Variants in GRID2 observed in about 807,000 individuals in gnomAD.
The protein encoded by GRID2 is glutamate receptor ionotropic, delta-2.
A neutral mutation model predicts 114.8 loss-of-function variants in GRID2; 33 were observed. The observed-to-expected ratio is 0.29, with a 90% confidence interval of 0.22 to 0.38. The LOEUF (loss-of-function observed/expected upper bound fraction) is 0.38, where lower values mean the gene tolerates loss of function less well. Among genes scored for constraint, GRID2 ranks in the 10% least tolerant of loss-of-function variants. The pLI is 1.00. For synonymous variants in GRID2, 505 were observed against 449.9 expected (o/e 1.12, Z -1.55); for missense variants, 1,184 against 1,257.7 (o/e 0.94, Z 0.89).
At chr4:92,675,143 GT>G (rs1179562644) in intron 2 of GRID2, among the ~76,000 whole-genome samples, 2 of 152,072 alleles carry the variant, frequency 1.3e-5, no homozygotes, top group Non-Finnish European at 2.9e-5. Flanking sequence ...CTTTTACTTT[GT>G]TAGAGCACTA....
In GRID2 at chr4:92,393,338, T is replaced by C. The variant is rs1321552064; in HGVS notation, c.88+88594T>C. ...ATTATCTTTCCATCTCCTTTACATA[T>C]AGATACTCTATAGAATGATGCAGTG... On this transcript the variant is annotated intron_variant, in intron 1 of 15. Transcript: ENST00000282020. Among the ~76,000 whole-genome samples the C allele has an allele frequency of 5.3e-5, 8 of 152,194 alleles. No individual in the cohort carries two copies. In the East Asian group the frequency reaches 1.3e-3, roughly 26 times the overall value.
intron 4 of GRID2, among the ~76,000 whole-genome samples, chr4:93,180,755 A>G (rs545743064): frequency 2.0e-5 from 3 of 152,294 alleles, no homozygotes; most frequent in African/African-American, 7.2e-5. Flanking sequence ...CTCATTCACT[A>G]GATTCAATGC....
At chr4:92,305,726 A>T (rs1725366097) in intron 1 of GRID2, among the ~76,000 whole-genome samples, 1 of 152,132 alleles carries the variant, frequency 6.6e-6, no homozygotes, top group African/African-American at 2.4e-5. Context: ...CGTCATTATC[A>T]TGCACAGCGC....
intron 1 of GRID2, among the ~76,000 whole-genome samples, chr4:92,423,892 G>C (rs368473102): frequency 2.4e-4 from 37 of 152,164 alleles, no homozygotes; most frequent in East Asian, 2.1e-3. Flanking sequence ...CAAATTGTTA[G>C]AAGATTTATA....
intron 1 of GRID2, among the ~76,000 whole-genome samples, chr4:92,504,044 T>C (rs1403736684): frequency 1.3e-5 from 2 of 152,108 alleles, no homozygotes; most frequent in African/African-American, 4.8e-5. Context: ...ACATTATTAA[T>C]TGTCAACTAC....
intron 11 of GRID2, among the ~76,000 whole-genome samples, chr4:93,460,601 C>A (rs2149419354): frequency 6.6e-6 from 1 of 152,232 alleles, no homozygotes; most frequent in African/African-American, 2.4e-5. Context: ...CATGTCTCCA[C>A]CTGAGTCCTT....
At chr4:93,412,466 C>A (rs1767292964) in intron 9 of GRID2, among the ~76,000 whole-genome samples, 1 of 152,100 alleles carries the variant, frequency 6.6e-6, no homozygotes, top group African/African-American at 2.4e-5. Flanking sequence ...AGATAACTTG[C>A]AATGAACGTT....
At chr4:92,603,874 C>G (rs1042540758) in intron 2 of GRID2, among the ~76,000 whole-genome samples, 3 of 151,692 alleles carry the variant, frequency 2.0e-5, no homozygotes, top group African/African-American at 7.3e-5. Context: ...AGTCAAATGA[C>G]AAGAACAGAC....
chr4:92,944,241 C>T lies in GRID2; in HGVS notation c.245-140754C>T, dbSNP rs143051869. The stretch of plus-strand genomic sequence containing the variant: ...GTGGTGGGCTCCACCCAATTTTGGC[C>T]GCTTTGTTTACCTACTCAAGCCTGG... On this transcript the variant is annotated intron_variant, in intron 2 of 15. Transcript: ENST00000282020. Among the ~76,000 whole-genome samples the T allele has an allele frequency of 2.8e-3, 423 of 151,782 alleles. 1 individual carries two copies. Among genetic ancestry groups the T allele is most frequent in the African/African-American group, 9.2e-3 (382 of 41,516 alleles).
At position 93,311,889 on chromosome 4, in the gene GRID2, A is replaced by C. The variant is rs530970373; in HGVS notation, c.1245+73399A>C. On this transcript the variant is annotated intron_variant, in intron 8 of 15. Transcript: ENST00000282020. ...TTTTGGTGATGTTATTGAGGCAAAA[A>C]ACAGAGAAGGTTGAAAAGTAGTGAA... Among the ~76,000 whole-genome samples, 32 of 152,350 alleles carry C rather than the reference A, an allele frequency of 2.1e-4. No individual in the cohort carries two copies. The South Asian group carries it at 6.6e-3, about 32-fold the overall frequency.
At chr4:93,185,306 T>C (rs1740299757) in intron 4 of GRID2, among the ~76,000 whole-genome samples, 2 of 152,316 alleles carry the variant, frequency 1.3e-5, no homozygotes, top group South Asian at 4.1e-4. Flanking sequence ...TTCAAAGTGA[T>C]GTCCTGTGAT....
intron 2 of GRID2, among the ~76,000 whole-genome samples, chr4:92,916,482 G>C (rs531355714): frequency 4.6e-5 from 7 of 152,076 alleles, no homozygotes; most frequent in African/African-American, 1.7e-4. Flanking sequence ...TTAACATTAG[G>C]TATATCTCCT....
chr4:93,398,133 G>GTATATATA lies in GRID2; in HGVS notation c.1347+2437_1347+2444dup, dbSNP rs1553923238. 5.4e-3 allele frequency among the ~76,000 whole-genome samples: 659 copies of GTATATATA among 122,352 alleles called. 23 individuals are homozygous for GTATATATA. Among genetic ancestry groups the GTATATATA allele is most frequent in the African/African-American group, 0.024 (633 of 25,918 alleles). The allele number at this position is 122,352 out of a possible 152,430, so 80.3% of individuals were successfully genotyped here. A position where few individuals can be genotyped will look rare whatever the true frequency, so the allele number is the denominator to read the frequency against. ...GAAATACATACATGTATGTGTGTGT[G>GTATATATA]TATATATATATATATATATCTTATC... On this transcript the variant is annotated intron_variant, in intron 9 of 15. Coordinates refer to ENST00000282020, the MANE Select transcript of GRID2 (RefSeq NM_001510.4).
intron 2 of GRID2, among the ~76,000 whole-genome samples, chr4:92,778,795 G>A (rs1190781911): frequency 6.6e-6 from 1 of 152,090 alleles, no homozygotes; most frequent in Admixed American, 6.6e-5. Context: ...CCCATCTAGT[G>A]CTTATTAGTG....
chr4:92,893,760 ACT>A (rs1038867364), intron 2 of GRID2, among the ~76,000 whole-genome samples: 1 of 152,112 alleles, frequency 6.6e-6, no homozygotes, highest in Non-Finnish European at 1.5e-5. Flanking sequence ...ATCATCACCC[ACT>A]CTGCTTAATT....
chr4:92,883,582 T>C (rs1235064395), intron 2 of GRID2, among the ~76,000 whole-genome samples: 1 of 152,190 alleles, frequency 6.6e-6, no homozygotes, highest in Admixed American at 6.5e-5. Flanking sequence ...TCTTAAATAA[T>C]GAGACTGAAA....
At position 93,480,207 on chromosome 4, in the gene GRID2, T is replaced by C. The variant is rs1725714814; in HGVS notation, c.1859-10432T>C. ...CAATATCATTCAGCCATTGAAGATG[T>C]AGTAAATAGGATACAAAATTGTATG... On this transcript the variant is annotated intron_variant, in intron 11 of 15. Coordinates refer to ENST00000282020, the MANE Select transcript of GRID2 (RefSeq NM_001510.4). Among the ~76,000 whole-genome samples, 3 of 152,160 alleles carry C rather than the reference T, an allele frequency of 2.0e-5. No homozygotes were observed. In the South Asian group the frequency reaches 6.2e-4, roughly 31 times the overall value.
At chr4:92,639,539 A>G (rs1306978995) in intron 2 of GRID2, among the ~76,000 whole-genome samples, 1 of 151,858 alleles carries the variant, frequency 6.6e-6, no homozygotes, top group Non-Finnish European at 1.5e-5. Flanking sequence ...GAGGTTTTGA[A>G]TAAGCAGTTT....
intron 2 of GRID2, among the ~76,000 whole-genome samples, chr4:92,993,850 G>A (rs968704291): frequency 1.3e-5 from 2 of 152,164 alleles, no homozygotes; most frequent in Admixed American, 6.5e-5. Flanking sequence ...TAAGAGTGTG[G>A]CTATAATTTA....
Sources: gnomAD v4.1 joint callset for allele counts (sites outside exome capture counted in the v4.1 genomes callset) on GRCh38, gnomAD v4.1.1 for gene constraint, MANE v1.5 for transcripts, NCBI Gene and HGNC (gene_info 2026-07-23, HGNC 2026-07-21) for gene names.